The following SUV39H1 variants were observed in gnomAD, a reference collection of about 807,000 sequenced individuals.
The protein encoded by SUV39H1 is SUV39H1 histone lysine methyltransferase, also known as histone-lysine N-methyltransferase SUV39H1.
For missense variants in SUV39H1, 180 were observed against 386.3 expected, an observed-to-expected ratio of 0.47 and a Z score of 4.48; for synonymous variants, 141 against 150.5, an observed-to-expected ratio of 0.94 and a Z score of 0.46.
upstream of SUV39H1, chrX:48,695,898 T>C (rs2062452866): frequency 8.7e-7 from 1 of 1,154,147 alleles, no homozygotes. Flanking sequence ...ATCCTACCTC[T>C]AGTTGCTGTG....
chrX:48,703,698 G>A (rs919155159), intron 3 of SUV39H1, among the ~76,000 whole-genome samples: 11 of 111,731 alleles, frequency 9.8e-5, no homozygotes, highest in African/African-American at 3.6e-4. Context: ...AATTAAGGGT[G>A]TGCCTTACAT....
chrX:48,707,654 A>G lies in SUV39H1; in HGVS notation c.*84A>G. ...CACTGCTGCCCTCCTGTCGAGAATG[A>G]CTGCCAGGGCCTCGCCTGCCTCCAC... On this transcript the variant is annotated 3_prime_UTR_variant, in exon 6 of 6. Coordinates refer to ENST00000376687, the MANE Select transcript of SUV39H1 (RefSeq NM_003173.4). 3.6e-6 allele frequency: 4 copies of G among 1,124,288 alleles called. No individual in the cohort carries two copies. Among genetic ancestry groups the G allele is most frequent in the Non-Finnish European group, 4.8e-6 (4 of 825,070 alleles). The allele number at this position is 1,124,288 out of a possible 1,213,427, so 92.7% of individuals were successfully genotyped here. A position where few individuals can be genotyped will look rare whatever the true frequency, so the allele number is the denominator to read the frequency against.
intron 1 of SUV39H1, 82 bp downstream of exon 1, chrX:48,696,885 G>A (rs2062457772): frequency 1.6e-5 from 12 of 764,911 alleles, no homozygotes; most frequent in South Asian, 4.6e-5. Context: ...TCGGGGCCCC[G>A]GCGTCCGAGG....
At chrX:48,696,904 C>T in intron 1 of SUV39H1, 101 bp downstream of exon 1, 1 of 632,491 alleles carries the variant, frequency 1.6e-6, no homozygotes, top group Non-Finnish European at 2.1e-6. Context: ...GGCCCCGGCG[C>T]CGGGAGCCGG....
intron 3 of SUV39H1, among the ~76,000 whole-genome samples, chrX:48,701,363 C>T (rs2062474707): frequency 8.9e-6 from 1 of 112,173 alleles, no homozygotes; most frequent in South Asian, 3.6e-4. Flanking sequence ...TGGAACAGTC[C>T]ATTGTGGGGG....
chrX:48,704,493 G>C (rs781900523), intron 3 of SUV39H1, among the ~76,000 whole-genome samples: 1 of 111,213 alleles, frequency 9.0e-6, no homozygotes, highest in African/African-American at 3.3e-5. Context: ...GGAGGAACGG[G>C]AAGCTTGGAA....
chrX:48,697,587 G>A (rs1191490575), intron 1 of SUV39H1, among the ~76,000 whole-genome samples: 14 of 111,576 alleles, frequency 1.3e-4, no homozygotes, highest in Non-Finnish European at 2.1e-4. Flanking sequence ...GGGCACAGGC[G>A]GGCTCAGTCT....
At chrX:48,696,345 C>G (rs781850369), upstream of SUV39H1, among the ~76,000 whole-genome samples, 22 of 112,364 alleles carry the variant, frequency 2.0e-4, no homozygotes, top group Non-Finnish European at 3.6e-4. Context: ...GGGCGACCGC[C>G]TGAGCAGTTG....
chrX:48,705,742 G>A (rs1303122939), intron 3 of SUV39H1, among the ~76,000 whole-genome samples: 1 of 112,040 alleles, frequency 8.9e-6, no homozygotes, highest in Non-Finnish European at 1.9e-5. Context: ...CACCTCTCTT[G>A]TCTTGAGGCC....
chrX:48,704,310 C>A (rs1370639668), intron 3 of SUV39H1, among the ~76,000 whole-genome samples: 2 of 111,605 alleles, frequency 1.8e-5, no homozygotes, highest in Non-Finnish European at 3.8e-5. Context: ...CAGGTAGTGG[C>A]AGAATAGGCA....
chrX:48,703,134 A>G (rs1383432187), intron 3 of SUV39H1, among the ~76,000 whole-genome samples: 10 of 112,737 alleles, frequency 8.9e-5, no homozygotes, highest in African/African-American at 3.2e-4. Flanking sequence ...TGTTCAGTAC[A>G]CAGTAAGTTT....
In SUV39H1 at chrX:48,700,381, C is replaced by T. The variant is rs782359251; in HGVS notation, c.456C>T (p.Asp152=). 1.7e-6 allele frequency: 2 copies of T among 1,212,030 alleles called. No individual in the cohort carries two copies. The highest frequency in any genetic ancestry group is 2.2e-6 in the Non-Finnish European group (2 of 895,563). The change falls in exon 3 of 6, where the codon GAC becomes GAT. Residue 152 remains aspartate, a synonymous_variant. Transcript: ENST00000376687. ...GCATCACTGTAGAGAATGAGGTGGA[C>T]CTGGACGGCCCTCCGCGGGCCTTCG... ...LGRITVENEV[D]LDGPPRAFVY...
intron 5 of SUV39H1, 54 bp from the exon 6 acceptor site, chrX:48,707,383 C>T (rs2062494566): frequency 1.1e-6 from 1 of 891,639 alleles, no homozygotes; most frequent in Non-Finnish European, 1.6e-6. Flanking sequence ...CCCTCCTTCT[C>T]CCCCTCCCTC....
At chrX:48,696,543 C>A (rs928365363), upstream of SUV39H1, 1 of 315,555 alleles carries the variant, frequency 3.2e-6, no homozygotes, top group Non-Finnish European at 5.5e-6. Flanking sequence ...ACTTTAGCTA[C>A]CGCCGCTGTC....
chrX:48,707,389 C>G, intron 5 of SUV39H1, 48 bp from the exon 6 acceptor site: 1 of 1,084,574 alleles, frequency 9.2e-7, no homozygotes, highest in African/African-American at 1.8e-5. Flanking sequence ...TTCTCCCCCT[C>G]CCTCCCTGCC....
chrX:48,699,198 A>T (rs782369186), intron 2 of SUV39H1, 151 bp downstream of exon 2: 17 of 560,576 alleles, frequency 3.0e-5, no homozygotes, highest in Non-Finnish European at 4.4e-5. Context: ...TTTTATCCCT[A>T]TGTTACAGAT....
upstream of SUV39H1, chrX:48,695,724 G>C: frequency 7.0e-6 from 8 of 1,143,862 alleles, no homozygotes; most frequent in Non-Finnish European, 9.2e-6. Flanking sequence ...GAGCAAAATC[G>C]GCATAGCTGT....
At chrX:48,695,916 G>A, upstream of SUV39H1, 2 of 1,148,111 alleles carry the variant, frequency 1.7e-6, no homozygotes, top group Non-Finnish European at 2.3e-6. Context: ...GTGACTATTT[G>A]CTTTGAGGGC....
At chrX:48,706,471 C>T in intron 4 of SUV39H1, 27 bp from the exon 5 acceptor site, 1 of 1,197,674 alleles carries the variant, frequency 8.3e-7, no homozygotes, top group Non-Finnish European at 1.1e-6. Context: ...CCCCTCCTCA[C>T]TCTCCCAACT....
Sources: gnomAD v4.1 joint callset for allele counts (sites outside exome capture counted in the v4.1 genomes callset) on GRCh38, gnomAD v4.1.1 for gene constraint, MANE v1.5 for transcripts, NCBI Gene and HGNC (gene_info 2026-07-23, HGNC 2026-07-21) for gene names.